BTBD10: variants seen among roughly 807,000 people sequenced by gnomAD.
BTBD10 encodes BTB/POZ domain-containing protein 10.
BTBD10 carries 21 observed loss-of-function variants against 53.2 expected under a neutral mutation model. The observed-to-expected ratio is 0.39, with a 90% CI of 0.28 to 0.57. The LOEUF is 0.57. Among genes scored for constraint, BTBD10 ranks in the 20% least tolerant of loss-of-function variants. The pLI is 0.53. For synonymous variants in BTBD10, 149 were observed against 192.7 expected, an observed-to-expected ratio of 0.77 and a Z score of 1.88; for missense variants, 360 against 594.7, an observed-to-expected ratio of 0.61 and a Z score of 4.10.
intron 4 of BTBD10, among the ~76,000 whole-genome samples, chr11:13,418,459 T>TA (rs1950169618): frequency 6.6e-6 from 1 of 152,084 alleles, no homozygotes; most frequent in African/African-American, 2.4e-5. Context: ...TTCTATATAT[T>TA]ATGTAAAAAT....
chr11:13,417,645 A>G (rs1043681333), intron 4 of BTBD10, among the ~76,000 whole-genome samples: 1 of 152,188 alleles, frequency 6.6e-6, no homozygotes, highest in African/African-American at 2.4e-5. Flanking sequence ...TAAAACTGCT[A>G]TTTTCATTGT....
At chr11:13,405,411 T>C (rs2135773879) in intron 7 of BTBD10, 1 of 365,788 alleles carries the variant, frequency 2.7e-6, no homozygotes, top group Non-Finnish European at 4.9e-6. Context: ...GGGCGGGGCA[T>C]ATTCTTCTGT....
In BTBD10 at chr11:13,413,518, C is replaced by T; in HGVS notation, c.808+12G>A. 1 of 1,596,178 alleles carries T rather than the reference C, an allele frequency of 6.3e-7. No individual in the cohort carries two copies. The highest frequency in any genetic ancestry group is 8.5e-7 in the Non-Finnish European group (1 of 1,172,130). ...TTCTACAAACCACTTACACACAAAA[C>T]ATCATACTTACTGAGATCTCTACAT... On this transcript the variant is annotated intron_variant, in intron 6 of 8. Transcript: ENST00000278174.
intron 2 of BTBD10, among the ~76,000 whole-genome samples, chr11:13,432,805 C>T (rs746653398): frequency 1.3e-5 from 2 of 151,264 alleles, no homozygotes. Context: ...AACAAAAATG[C>T]AAAGAAATGG....
At chr11:13,439,887 C>T in intron 2 of BTBD10, 1 of 1,527,950 alleles carries the variant, frequency 6.5e-7, no homozygotes, top group Non-Finnish European at 8.8e-7. Context: ...TACACACCTT[C>T]CTTTAGTATA....
intron 2 of BTBD10, among the ~76,000 whole-genome samples, chr11:13,426,747 A>G (rs139719589): frequency 6.6e-6 from 1 of 152,330 alleles, no homozygotes; most frequent in East Asian, 1.9e-4. Context: ...AAAAGGAGAT[A>G]AAATAAAATC....
intron 1 of BTBD10, among the ~76,000 whole-genome samples, chr11:13,446,448 T>C (rs957616559): frequency 6.6e-6 from 1 of 152,146 alleles, no homozygotes; most frequent in Non-Finnish European, 1.5e-5. Context: ...TTTACTATAA[T>C]TTTTTTCTCA....
intron 2 of BTBD10, among the ~76,000 whole-genome samples, chr11:13,436,270 G>T (rs955837430): frequency 1.3e-5 from 2 of 152,134 alleles, no homozygotes; most frequent in South Asian, 2.1e-4. Flanking sequence ...CAAGTTCAGG[G>T]TTTTGGGCCA....
At chr11:13,450,126 A>G (rs193133431) in intron 1 of BTBD10, among the ~76,000 whole-genome samples, 2 of 152,360 alleles carry the variant, frequency 1.3e-5, no homozygotes, top group East Asian at 3.9e-4. Context: ...TGAAGAGGAT[A>G]GAATTACATA....
chr11:13,402,652 T>C (rs1380323357), intron 8 of BTBD10, among the ~76,000 whole-genome samples: 1 of 152,190 alleles, frequency 6.6e-6, no homozygotes, highest in Non-Finnish European at 1.5e-5. Context: ...AAGTAAGCTA[T>C]CTAAAACTCT....
At chr11:13,459,062 T>TTA (rs1555034651) in intron 1 of BTBD10, among the ~76,000 whole-genome samples, 21,665 of 119,152 alleles carry the variant, frequency 0.18, 1,829 homozygotes, top group East Asian at 0.28. Flanking sequence ...TTATTTATTT[T>TTA]TTTTTTTTTT....
chr11:13,424,216 G>A (rs963038388), intron 2 of BTBD10, among the ~76,000 whole-genome samples: 4 of 152,130 alleles, frequency 2.6e-5, no homozygotes, highest in African/African-American at 4.8e-5. Flanking sequence ...TAATGGACAA[G>A]GTACAAGCAC....
intron 6 of BTBD10, among the ~76,000 whole-genome samples, chr11:13,409,665 C>T (rs2135786909): frequency 6.6e-6 from 1 of 152,272 alleles, no homozygotes; most frequent in Non-Finnish European, 1.5e-5. Context: ...CTTTGCCACT[C>T]CTTCAGGTCT....
chr11:13,414,843 C>CG (rs1491486276), intron 5 of BTBD10, among the ~76,000 whole-genome samples: 2 of 20,722 alleles, frequency 9.7e-5, no homozygotes, highest in African/African-American at 1.3e-4. Context: ...CCATCTCAAA[C>CG]GAAAAAAAAA....
At chr11:13,447,254 T>C (rs1950766620) in intron 1 of BTBD10, among the ~76,000 whole-genome samples, 2 of 152,030 alleles carry the variant, frequency 1.3e-5, no homozygotes, top group Admixed American at 1.3e-4. Flanking sequence ...GCATGAGCCA[T>C]GGCACCCAGC....
intron 1 of BTBD10, among the ~76,000 whole-genome samples, chr11:13,449,800 A>G (rs1159419408): frequency 6.6e-6 from 1 of 152,204 alleles, no homozygotes; most frequent in African/African-American, 2.4e-5. Context: ...GGCTGGGCTC[A>G]CTTTTATAAT....
chr11:13,389,895 T>C (rs1949362922), intron 8 of BTBD10, among the ~76,000 whole-genome samples: 1 of 152,228 alleles, frequency 6.6e-6, no homozygotes, highest in Non-Finnish European at 1.5e-5. Context: ...CAGGTGGTTC[T>C]AGATACTTCT....
chr11:13,420,360 T>C (rs558322949), intron 3 of BTBD10, among the ~76,000 whole-genome samples: 2 of 152,258 alleles, frequency 1.3e-5, no homozygotes, highest in South Asian at 4.1e-4. Flanking sequence ...AAAGTGGCTT[T>C]AGTAGCTTAT....
intron 1 of BTBD10, among the ~76,000 whole-genome samples, chr11:13,451,124 A>C (rs2134047694): frequency 1.3e-5 from 2 of 152,162 alleles, no homozygotes; most frequent in East Asian, 3.9e-4. Context: ...CTGAGCATAA[A>C]CTCTGCTCAA....
Sources: allele counts gnomAD v4.1 joint callset (sites outside exome capture counted in the v4.1 genomes callset), GRCh38; gene constraint gnomAD v4.1.1; transcripts MANE v1.5; gene names NCBI Gene and HGNC (gene_info 2026-07-23, HGNC 2026-07-21).